Variants in TRAF3 observed in about 807,000 individuals in gnomAD.
TRAF3 encodes the protein TNF receptor associated factor 3.
A neutral mutation model predicts 62.3 loss-of-function variants in TRAF3; 13 were observed. The ratio of observed to expected loss-of-function variants is 0.21; its 90% CI spans 0.14 to 0.33. TRAF3 has a LOEUF of 0.33. Among genes scored for constraint, TRAF3 ranks in the 10% least tolerant of loss-of-function variants. TRAF3 has a pLI of 1.00. For synonymous variants in TRAF3, 269 were observed against 283.4 expected (o/e 0.95, Z 0.51); for missense variants, 440 against 741.8 (o/e 0.59, Z 4.73).
chr14:102,781,881 C>T (rs1177946289), intron 1 of TRAF3, among the ~76,000 whole-genome samples: 1 of 151,888 alleles, frequency 6.6e-6, no homozygotes. Flanking sequence ...CAACCTCCAC[C>T]TCCTGGATTC....
At chr14:102,870,102 T>G (rs1443133081) in intron 2 of TRAF3, 83 bp from the exon 3 acceptor site, 4 of 1,576,686 alleles carry the variant, frequency 2.5e-6, no homozygotes, top group Non-Finnish European at 3.5e-6. Flanking sequence ...ACAGCAGGTC[T>G]CAGGCACTTT....
rs879576975 is a variant in TRAF3 at position 102,830,354 on chromosome 14, A to T, written c.-136A>T. 2 of 152,426 alleles carry T rather than the reference A, an allele frequency of 1.3e-5. No individual in the cohort carries two copies. Among genetic ancestry groups the T allele is most frequent in the Non-Finnish European group, 2.9e-5 (2 of 68,250 alleles). 9.4% of individuals were successfully genotyped at this position (152,426 alleles called of 1,614,324 possible). On this transcript the variant is annotated 5_prime_UTR_variant, in exon 2 of 12. The change creates a new upstream start codon in the 5' untranslated region. Transcript: ENST00000392745. ...TACAGATGAGGAAAATGAGGCCCAA[A>T]GAAGTGATGCCACTTGGTTAAGGTC... is the stretch of plus-strand genomic sequence containing the variant.
chr14:102,841,110 A>G (rs1886349077), intron 2 of TRAF3, among the ~76,000 whole-genome samples: 1 of 152,228 alleles, frequency 6.6e-6, no homozygotes, highest in Non-Finnish European at 1.5e-5. Context: ...CTCGAGAGGC[A>G]GTTTCCATGT....
At chr14:102,900,584 T>TC (rs1263952612) in intron 10 of TRAF3, among the ~76,000 whole-genome samples, 1 of 152,148 alleles carries the variant, frequency 6.6e-6, no homozygotes, top group African/African-American at 2.4e-5. Flanking sequence ...GTTCTTACAG[T>TC]CAGGGGGTCC....
intron 1 of TRAF3, among the ~76,000 whole-genome samples, chr14:102,801,160 C>T (rs1391382758): frequency 2.6e-5 from 4 of 152,108 alleles, no homozygotes; most frequent in Non-Finnish European, 5.9e-5. Context: ...AACGAGACTC[C>T]GTGTCTTCTC....
intron 2 of TRAF3, among the ~76,000 whole-genome samples, chr14:102,835,473 A>G (rs932551734): frequency 1.3e-5 from 2 of 152,252 alleles, no homozygotes; most frequent in Non-Finnish European, 2.9e-5. Context: ...AGCACTATTC[A>G]CAATAGCAAA....
At chr14:102,788,422 G>A (rs1424904945) in intron 1 of TRAF3, among the ~76,000 whole-genome samples, 1 of 152,126 alleles carries the variant, frequency 6.6e-6, no homozygotes, top group East Asian at 1.9e-4. Flanking sequence ...AGCATTTTGG[G>A]AGGCTGGGGT....
intron 1 of TRAF3, among the ~76,000 whole-genome samples, chr14:102,812,444 C>A (rs889018814): frequency 2.0e-5 from 3 of 152,142 alleles, no homozygotes; most frequent in Non-Finnish European, 4.4e-5. Context: ...GTGAATAGTG[C>A]TACGGTAAAT....
chr14:102,794,161 GTC>G (rs34879884), intron 1 of TRAF3, among the ~76,000 whole-genome samples: 76,589 of 151,574 alleles, frequency 0.51, 22,055 homozygotes, highest in South Asian at 0.73. Flanking sequence ...GAAGCTGCCA[GTC>G]TCTCTCTCTC....
chr14:102,808,720 TTG>T (rs1204402665), intron 1 of TRAF3, among the ~76,000 whole-genome samples: 4 of 152,162 alleles, frequency 2.6e-5, no homozygotes, highest in Non-Finnish European at 5.9e-5. Flanking sequence ...TTTTCAGTAT[TTG>T]GGGAAAATAT....
chr14:102,834,627 G>A (rs1885869640), intron 2 of TRAF3, among the ~76,000 whole-genome samples: 2 of 146,568 alleles, frequency 1.4e-5, no homozygotes, highest in African/African-American at 5.2e-5. Context: ...GGCGGAGCTT[G>A]CAGTGAGCCG....
At chr14:102,889,756 C>T (rs1167574590) in intron 8 of TRAF3, 122 bp downstream of exon 8, 9 of 1,236,972 alleles carry the variant, frequency 7.3e-6, no homozygotes, top group Non-Finnish European at 1.1e-5. Context: ...ACTGAAACAC[C>T]CTGTTGCATG....
At chr14:102,902,704 C>G (rs1890366350) in intron 10 of TRAF3, among the ~76,000 whole-genome samples, 1 of 152,136 alleles carries the variant, frequency 6.6e-6, no homozygotes, top group African/African-American at 2.4e-5. Flanking sequence ...GGTGCTGTGG[C>G]CTGGGAGAAG....
intron 1 of TRAF3, among the ~76,000 whole-genome samples, chr14:102,805,146 AT>A (rs1299236569): frequency 6.6e-6 from 1 of 152,186 alleles, no homozygotes; most frequent in Non-Finnish European, 1.5e-5. Flanking sequence ...AATTTAGATA[AT>A]TAGCAACTAG....
intron 1 of TRAF3, among the ~76,000 whole-genome samples, chr14:102,786,490 C>G (rs1319991575): frequency 6.6e-6 from 1 of 152,172 alleles, no homozygotes; most frequent in Non-Finnish European, 1.5e-5. Flanking sequence ...GAGTTCGAGA[C>G]CAGCCTGAAC....
At chr14:102,846,366 CA>C (rs1327107116) in intron 2 of TRAF3, among the ~76,000 whole-genome samples, 1 of 151,838 alleles carries the variant, frequency 6.6e-6, no homozygotes, top group Non-Finnish European at 1.5e-5. Context: ...ACAGCAACAA[CA>C]AAAAAGGCAA....
chr14:102,778,177 T>C (rs967385040), intron 1 of TRAF3, among the ~76,000 whole-genome samples: 3 of 150,316 alleles, frequency 2.0e-5, no homozygotes, highest in Admixed American at 2.0e-4. Flanking sequence ...TCCGACCGCT[T>C]GGCGGGCGGC....
In TRAF3 at chr14:102,787,695, AAAC is replaced by A. The variant is rs963343902; in HGVS notation, c.-157+10031_-157+10033del. Among the ~76,000 whole-genome samples, 38 of 152,106 alleles carry A rather than the reference AAAC, an allele frequency of 2.5e-4. No homozygotes were observed. The East Asian group carries it at 4.8e-3, about 19-fold the overall frequency. On this transcript the variant is annotated intron_variant, in intron 1 of 11. Coordinates refer to ENST00000392745, the MANE Select transcript of TRAF3 (RefSeq NM_145725.3). ...GTGAGACTGTCTCAAACAACAACAA[AAAC>A]AACAACAACACTTCGATTTATTCAG...
Position 102,786,378 on chromosome 14 carries a change from G to A in TRAF3, c.-157+8703G>A, listed in dbSNP as rs72702782. Reference sequence around the variant, plus strand: ...ATGTGTAATTTACCATAATAAAAAAGTAATTGTGAGACTTAAAAGTGAGCC... The same window carrying A: ...ATGTGTAATTTACCATAATAAAAAAATAATTGTGAGACTTAAAAGTGAGCC... On this transcript the variant is annotated intron_variant, in intron 1 of 11. Coordinates refer to ENST00000392745, the MANE Select transcript of TRAF3 (RefSeq NM_145725.3). 6.1e-3 allele frequency among the ~76,000 whole-genome samples: 929 copies of A among 152,266 alleles called. 8 individuals carry two copies. The highest frequency in any genetic ancestry group is 9.9e-3 in the Non-Finnish European group (674 of 68,018).
Sources: allele counts gnomAD v4.1 joint callset (sites outside exome capture counted in the v4.1 genomes callset), GRCh38; gene constraint gnomAD v4.1.1; transcripts MANE v1.5; gene names NCBI Gene and HGNC (gene_info 2026-07-23, HGNC 2026-07-21).